ITPR1: variants seen among roughly 807,000 people sequenced by gnomAD.
The protein encoded by ITPR1 is inositol 1,4,5-trisphosphate-gated calcium channel ITPR1.
In ITPR1, 96 loss-of-function variants were observed where a neutral mutation model predicts 318.4. The observed-to-expected ratio is 0.30, with a 90% confidence interval of 0.26 to 0.36. The LOEUF (loss-of-function observed/expected upper bound fraction) is 0.36. Among genes scored for constraint, ITPR1 ranks in the 10% least tolerant of loss-of-function variants. The pLI is 1.00. For synonymous variants in ITPR1, 1,312 were observed against 1,289.9 expected (o/e 1.02, Z -0.37); for missense variants, 2,440 against 3,460.2 (o/e 0.71, Z 7.40).
intron 4 of ITPR1, among the ~76,000 whole-genome samples, chr3:4,563,925 C>G (rs2086941539): frequency 6.6e-6 from 1 of 151,762 alleles, no homozygotes. Flanking sequence ...AAAGTGTCAG[C>G]TGAGTTGATT....
intron 51 of ITPR1, among the ~76,000 whole-genome samples, chr3:4,786,260 G>A (rs2047191100): frequency 1.3e-5 from 2 of 152,246 alleles, no homozygotes. Flanking sequence ...AACTGCTTGT[G>A]TGCAGGTTCT....
Position 4,645,597 on chromosome 3 carries a change from C to T in ITPR1, c.724C>T (p.Leu242=), listed in dbSNP as rs769336587. The change falls in exon 10 of 62, where the codon CTG becomes TTG. Residue 242 remains leucine, a synonymous_variant. Coordinates refer to ENST00000649015, the MANE Select transcript of ITPR1 (RefSeq NM_001378452.1). ...TGACTGTCAGGGTGACGTGGTGAGG[C>T]TGTTTCATGCTGAGCAGGAGAAGTT... The part of the protein sequence containing the change: ...DILKGGDVVR[L]FHAEQEKFLT... 1 of 1,613,338 alleles carries T rather than the reference C, an allele frequency of 6.2e-7. No homozygotes were observed.
intron 8 of ITPR1, among the ~76,000 whole-genome samples, chr3:4,644,990 A>G (rs1375918709): frequency 6.6e-6 from 1 of 152,252 alleles, no homozygotes; most frequent in Non-Finnish European, 1.5e-5. Flanking sequence ...AACAATGATC[A>G]TTAACATTTT....
chr3:4,821,469 T>C (rs2049712026), intron 60 of ITPR1, among the ~76,000 whole-genome samples: 1 of 152,318 alleles, frequency 6.6e-6, no homozygotes, highest in African/African-American at 2.4e-5. Flanking sequence ...GGATGGCAAA[T>C]GGGTTTTCAT....
chr3:4,504,724 T>G (rs1439943657), intron 2 of ITPR1, among the ~76,000 whole-genome samples: 1 of 152,196 alleles, frequency 6.6e-6, no homozygotes, highest in Non-Finnish European at 1.5e-5. Context: ...AAATTAACCC[T>G]GAGTGCCCAG....
chr3:4,760,093 C>T (rs969491040), intron 44 of ITPR1, among the ~76,000 whole-genome samples: 6 of 152,268 alleles, frequency 3.9e-5, no homozygotes, highest in South Asian at 2.1e-4. Context: ...TTGTCTGTGT[C>T]GGTTCAACGT....
rs774135923 is a variant in ITPR1, at chr3:4,818,167, C to G, written c.7953C>G (p.Cys2651Trp). Reference sequence around the variant, plus strand: ...AACACAACATGTGGCACTATCTGTGCTTCATCGTCCTGGTGAAAGTAAAGG... The same window carrying G: ...AACACAACATGTGGCACTATCTGTGGTTCATCGTCCTGGTGAAAGTAAAGG... ...KEEHNMWHYL[C>W]FIVLVKVKDS... The change falls in exon 60 of 62, where the codon TGC becomes TGG. Residue 2651 changes from cysteine to tryptophan, a missense_variant. By Grantham distance (215) the Cys-to-Trp change is radical. This residue lies in a region of ITPR1 where 72 missense variants were observed against 197.7 expected (regional missense o/e 0.36). Transcript: ENST00000649015. The G allele has an allele frequency of 6.2e-7, 1 of 1,606,408 alleles. No individual in the cohort carries two copies. The highest frequency in any genetic ancestry group is 8.5e-7 in the Non-Finnish European group (1 of 1,173,778).
At chr3:4,661,224 G>A in intron 14 of ITPR1, 137 bp downstream of exon 14, 1 of 539,088 alleles carries the variant, frequency 1.9e-6, no homozygotes, top group South Asian at 3.0e-5. Flanking sequence ...GAACTTGAAT[G>A]TGACAAAAGA....
intron 61 of ITPR1, among the ~76,000 whole-genome samples, chr3:4,844,277 A>G (rs1037929432): frequency 1.3e-5 from 2 of 152,076 alleles, no homozygotes; most frequent in African/African-American, 4.8e-5. Context: ...GCACGCTACC[A>G]TGCCTAGCTA....
Position 4,777,277 on chromosome 3 carries a change from C to T in ITPR1, c.6194C>T (p.Thr2065Ile). 3.1e-6 allele frequency: 5 copies of T among 1,601,290 alleles called. No individual in the cohort carries two copies. The highest frequency in any genetic ancestry group is 2.2e-5 in the East Asian group (1 of 44,618). The change falls in exon 48 of 62, where the codon ACC (threonine) becomes ATC (isoleucine). Residue 2065 changes from threonine (T) to isoleucine (I), a missense_variant. Coordinates refer to ENST00000649015, the MANE Select transcript of ITPR1 (RefSeq NM_001378452.1). ...GTCTTTGCTCAGAACTGCATAGCCA[C>T]CCATGAATCCAATGGCATTGACATC... ...PCHENQNCIATHESNGIDIIT... is the reference protein window; with the variant it reads ...PCHENQNCIAIHESNGIDIIT...
intron 4 of ITPR1, among the ~76,000 whole-genome samples, chr3:4,563,968 A>C (rs1017063674): frequency 1.3e-5 from 2 of 151,374 alleles, no homozygotes; most frequent in African/African-American, 4.9e-5. Flanking sequence ...TTGAGACAGA[A>C]TCTCACCGTG....
At chr3:4,619,334 T>C (rs1393157406) in intron 4 of ITPR1, among the ~76,000 whole-genome samples, 4 of 152,218 alleles carry the variant, frequency 2.6e-5, no homozygotes, top group African/African-American at 9.6e-5. Flanking sequence ...TCTTTGATTG[T>C]TTCCATACCT....
chr3:4,565,335 T>C (rs1332274035), intron 4 of ITPR1, among the ~76,000 whole-genome samples: 2 of 152,180 alleles, frequency 1.3e-5, no homozygotes, highest in Non-Finnish European at 2.9e-5. Flanking sequence ...TAGCCACTAA[T>C]AGCACCTCCA....
At chr3:4,713,605 C>G (rs979622067) in intron 39 of ITPR1, among the ~76,000 whole-genome samples, 1 of 152,158 alleles carries the variant, frequency 6.6e-6, no homozygotes, top group Non-Finnish European at 1.5e-5. Flanking sequence ...TCCCAGACCC[C>G]AGGGGATGCC....
intron 10 of ITPR1, among the ~76,000 whole-genome samples, chr3:4,649,108 T>C (rs1376490398): frequency 6.6e-6 from 1 of 152,190 alleles, no homozygotes; most frequent in African/African-American, 2.4e-5. Flanking sequence ...ATGGAGACTT[T>C]CTCATCTTTC....
chr3:4,796,665 G>A (rs944497505), intron 53 of ITPR1, among the ~76,000 whole-genome samples: 2 of 152,172 alleles, frequency 1.3e-5, no homozygotes, highest in African/African-American at 4.8e-5. Context: ...CAGTTCTGGG[G>A]ACAGGGAGTT....
At chr3:4,686,591 T>C (rs2094398915) in intron 30 of ITPR1, among the ~76,000 whole-genome samples, 1 of 152,220 alleles carries the variant, frequency 6.6e-6, no homozygotes, top group Non-Finnish European at 1.5e-5. Context: ...GTGGTTGGAA[T>C]TGGTGACTCA....
chr3:4,807,345 A>G (rs2106480447), intron 55 of ITPR1, among the ~76,000 whole-genome samples: 1 of 152,340 alleles, frequency 6.6e-6, no homozygotes, highest in South Asian at 2.1e-4. Context: ...AGTTACTCTT[A>G]TCTTTCTGCA....
chr3:4,687,716 A>T (rs2094418161), intron 30 of ITPR1, among the ~76,000 whole-genome samples: 1 of 152,220 alleles, frequency 6.6e-6, no homozygotes, highest in African/African-American at 2.4e-5. Context: ...GGAATATTTA[A>T]CTCTAAAATA....
Sources: allele counts gnomAD v4.1 joint callset (sites outside exome capture counted in the v4.1 genomes callset), GRCh38; gene constraint gnomAD v4.1.1; regional missense constraint gnomAD v4.1.1; transcripts MANE v1.5; gene names NCBI Gene and HGNC (gene_info 2026-07-23, HGNC 2026-07-21).